The following SHBG variants were observed in gnomAD, a reference collection of about 807,000 sequenced individuals.
SHBG encodes the protein sex hormone binding globulin, also known as sex hormone-binding globulin.
SHBG carries 37 observed loss-of-function variants against 41.9 expected under a neutral mutation model. The ratio of observed to expected loss-of-function variants is 0.88; its 90% confidence interval spans 0.68 to 1.16. The LOEUF is 1.16. Among genes scored for constraint, SHBG ranks in the 50% most tolerant of loss-of-function variants. The probability of loss-of-function intolerance (pLI) is 0.00; values close to 1 mark genes in which losing one functional copy is unlikely to be tolerated. For synonymous variants in SHBG, 217 were observed against 205.8 expected, an observed-to-expected ratio of 1.05 and a Z score of -0.47; for missense variants, 466 against 499.9, an observed-to-expected ratio of 0.93 and a Z score of 0.65.
upstream of SHBG, chr17:7,626,427 AGATCCTCCTAGG>A (rs776035312): frequency 8.7e-6 from 14 of 1,612,954 alleles, no homozygotes. Context: ...CTCAAGACAG[AGATCCTCCTAGG>A]GATGGCGTCA....
chr17:7,623,847 G>A (rs1050892235), upstream of SHBG, among the ~76,000 whole-genome samples: 6 of 150,996 alleles, frequency 4.0e-5, no homozygotes, highest in Admixed American at 2.0e-4. Flanking sequence ...CTTCAGCCTC[G>A]ACCTCTAGGG....
chr17:7,627,830 A>G (rs1230410346), upstream of SHBG: 23 of 676,024 alleles, frequency 3.4e-5, no homozygotes, highest in Middle Eastern at 2.4e-4. This position sits in a 1 kb window ranked among gnomAD's most constrained non-coding sequence, Gnocchi z 4.8. Context: ...AGAGTAGGCC[A>G]GCGAGGCGAT....
chr17:7,627,529 G>C, upstream of SHBG: 2 of 1,573,160 alleles, frequency 1.3e-6, no homozygotes, highest in South Asian at 1.1e-5. This position sits in a 1 kb window ranked among gnomAD's most constrained non-coding sequence, Gnocchi z 4.8. Context: ...CGCTCTGGCC[G>C]CGCCACTCTG....
At chr17:7,632,251 C>T (rs968969023) in intron 6 of SHBG, among the ~76,000 whole-genome samples, 3 of 151,438 alleles carry the variant, frequency 2.0e-5, no homozygotes, top group Non-Finnish European at 2.9e-5. Flanking sequence ...TTGACACCAG[C>T]CTGGGCAACA....
At position 7,630,657 on chromosome 17, in the gene SHBG, T is replaced by A. The variant is rs377627269; in HGVS notation, c.204-23T>A. On this transcript the variant is annotated intron_variant, in intron 2 of 7. Coordinates refer to ENST00000380450, the MANE Select transcript of SHBG (RefSeq NM_001040.5). This position sits in a 1 kb window ranked among gnomAD's most constrained non-coding sequence, Gnocchi z 4.6. ...CTCAAAGGACACATGACATACACAATCTTTCCTTCTGTGTCCTTCCAGAAC... is the reference window on the plus strand; with the variant it reads ...CTCAAAGGACACATGACATACACAAACTTTCCTTCTGTGTCCTTCCAGAAC... 2 of 1,605,318 alleles carry A rather than the reference T, an allele frequency of 1.2e-6. No individual in the cohort carries two copies. The highest frequency in any genetic ancestry group is 2.7e-5 in the African/African-American group (2 of 74,760).
At chr17:7,620,130 AAAAAATTG>A (rs1236047742) in intron 1 of SHBG, among the ~76,000 whole-genome samples, 1 of 151,872 alleles carries the variant, frequency 6.6e-6, no homozygotes, top group African/African-American at 2.4e-5. Context: ...CAAAAAAAAA[AAAAAATTG>A]AAAAAATTGA....
intron 1 of SHBG, chr17:7,614,877 C>A (rs903943333): frequency 1.1e-4 from 17 of 156,382 alleles, no homozygotes; most frequent in Middle Eastern, 2.9e-3. Flanking sequence ...TCCACCTCCC[C>A]CTGCCACCGC....
chr17:7,618,585 GCATGAGC>G (rs1201945786), intron 1 of SHBG, among the ~76,000 whole-genome samples: 1 of 152,110 alleles, frequency 6.6e-6, no homozygotes, highest in Non-Finnish European at 1.5e-5. Context: ...GGGATTATAG[GCATGAGC>G]CACTGCGCCC....
At chr17:7,627,301 T>G, upstream of SHBG, 17 of 1,612,712 alleles carry the variant, frequency 1.1e-5, no homozygotes, top group Non-Finnish European at 1.4e-5. The surrounding 1 kb of genome is among the most constrained non-coding windows in gnomAD (Gnocchi z 4.8). Context: ...AGCTGTCGCC[T>G]GGGGAACCCA....
At chr17:7,628,051 A>G, upstream of SHBG, 1 of 468,128 alleles carries the variant, frequency 2.1e-6, no homozygotes, top group Non-Finnish European at 4.3e-6. Context: ...CTGGGTCGAG[A>G]TACCCCGCGG....
chr17:7,627,577 A>G (rs938397606), upstream of SHBG: 1 of 1,610,312 alleles, frequency 6.2e-7, no homozygotes, highest in African/African-American at 1.3e-5. This position sits in a 1 kb window ranked among gnomAD's most constrained non-coding sequence, Gnocchi z 4.8. Flanking sequence ...CACCCGAATC[A>G]GCCTCAGGAT....
intron 1 of SHBG, among the ~76,000 whole-genome samples, chr17:7,622,047 G>A (rs1174383826): frequency 2.0e-5 from 3 of 149,662 alleles, no homozygotes; most frequent in Admixed American, 6.7e-5. Context: ...GTTTCACCAT[G>A]TTGGTCAGGC....
At chr17:7,615,045 C>T (rs1480465640) in intron 1 of SHBG, among the ~76,000 whole-genome samples, 1 of 152,220 alleles carries the variant, frequency 6.6e-6, no homozygotes, top group Non-Finnish European at 1.5e-5. Flanking sequence ...TGGTCGCTTG[C>T]TAGCGCTTGC....
At chr17:7,622,424 C>G (rs2072114808) in intron 1 of SHBG, among the ~76,000 whole-genome samples, 1 of 151,914 alleles carries the variant, frequency 6.6e-6, no homozygotes, top group South Asian at 2.1e-4. Context: ...AGGTGCCCAC[C>G]ACCACGCCCA....
Position 7,630,806 on chromosome 17 carries a change from C to T in SHBG, c.330C>T (p.His110=). ...ACGGCAGGCCTGAGATCCAACTGCACAATCACTGGGCCCAGCTTACGGTGG... is the reference window on the plus strand; with the variant it reads ...ACGGCAGGCCTGAGATCCAACTGCATAATCACTGGGCCCAGCTTACGGTGG... The part of the protein sequence containing the change: ...LRDGRPEIQL[H]NHWAQLTVGA... The change falls in exon 3 of 8, where the codon CAC becomes CAT. Residue 110 remains histidine, a synonymous_variant. Transcript: ENST00000380450. This position sits in a 1 kb window ranked among gnomAD's most constrained non-coding sequence, Gnocchi z 4.6. 5 of 1,614,028 alleles carry T rather than the reference C, an allele frequency of 3.1e-6. No individual in the cohort carries two copies. Among genetic ancestry groups the T allele is most frequent in the South Asian group, 1.1e-5 (1 of 91,072 alleles).
intron 6 of SHBG, 101 bp from the exon 7 acceptor site, chr17:7,632,651 C>T (rs1567768705): frequency 1.7e-5 from 16 of 919,448 alleles, no homozygotes; most frequent in South Asian, 1.2e-4. Flanking sequence ...GGAGGCATAG[C>T]GAAGAGGCAG....
chr17:7,632,934 G>A lies in SHBG; in HGVS notation c.1035G>A (p.Gly345=), dbSNP rs2072466865. Residue 345 remains glycine, a synonymous_variant, in exon 7 of 8, where the codon GGG becomes GGA. Coordinates refer to ENST00000380450, the MANE Select transcript of SHBG (RefSeq NM_001040.5). ...PLLNLWAKPQ[G]RLFLGALPGE... Reference sequence around the variant, plus strand: ...TTAACCTCTGGGCCAAGCCTCAAGGGCGTCTCTTCCTGGGGGCTTTACCAG... The same window carrying A: ...TTAACCTCTGGGCCAAGCCTCAAGGACGTCTCTTCCTGGGGGCTTTACCAG... The A allele has an allele frequency of 6.2e-7, 1 of 1,614,124 alleles. No individual in the cohort carries two copies. Among genetic ancestry groups the A allele is most frequent in the Non-Finnish European group, 8.5e-7 (1 of 1,180,004 alleles).
chr17:7,633,265 T>C lies in SHBG; in HGVS notation c.1122T>C (p.Asp374=), dbSNP rs762607889. ...TTTGGGCACAAGGTCAGAGGCTGGA[T>C]GTGGACCAGGCCCTGAACAGAAGCC... ...NGLWAQGQRL[D]VDQALNRSHE... is the part of the protein sequence containing the mutation. The change falls in exon 8 of 8, where the codon GAT becomes GAC. Residue 374 remains aspartate, a synonymous_variant. Transcript: ENST00000380450. The C allele has an allele frequency of 6.2e-7, 1 of 1,614,154 alleles. No individual in the cohort carries two copies. The highest frequency in any genetic ancestry group is 8.5e-7 in the Non-Finnish European group (1 of 1,180,026).
chr17:7,632,087 C>A, intron 6 of SHBG, 72 bp downstream of exon 6: 1 of 1,486,258 alleles, frequency 6.7e-7, no homozygotes, highest in Non-Finnish European at 9.3e-7. Context: ...GGGAGTCCAA[C>A]ATGTCAATAT....
Sources: gnomAD v4.1 joint callset for allele counts (sites outside exome capture counted in the v4.1 genomes callset) on GRCh38, gnomAD v4.1.1 for gene constraint, Gnocchi (gnomAD v3.1) non-coding constraint, MANE v1.5 for transcripts, NCBI Gene and HGNC (gene_info 2026-07-23, HGNC 2026-07-21) for gene names.